The following HERC6 variants were observed in gnomAD, a reference collection of about 807,000 sequenced individuals.
The protein encoded by HERC6 is HECT and RLD domain containing E3 ubiquitin protein ligase family member 6.
Under a neutral mutation model 114.5 loss-of-function variants are expected in HERC6, and 101 were observed. The observed-to-expected ratio is 0.88, with a 90% confidence interval of 0.75 to 1.04. HERC6 has a LOEUF of 1.04. Ranked by LOEUF, HERC6 falls within the 50% of genes least tolerant of loss-of-function variation. The probability of loss-of-function intolerance (pLI) is 0.00; values close to 1 mark genes in which losing one functional copy is unlikely to be tolerated. For synonymous variants in HERC6, 408 were observed against 436.2 expected (o/e 0.94, Z 0.81); for missense variants, 1,133 against 1,230.9 (o/e 0.92, Z 1.19).
Position 88,383,351 on chromosome 4 carries a change from A to G in HERC6, c.330A>G (p.Gly110=). 6.6e-7 allele frequency: 1 copy of G among 1,522,252 alleles called. No individual in the cohort carries two copies. The highest frequency in any genetic ancestry group is 8.8e-7 in the Non-Finnish European group (1 of 1,137,296). 94.3% of individuals were successfully genotyped at this position (1,522,252 alleles called of 1,614,324 possible). Residue 110 remains glycine, a synonymous_variant, in exon 2 of 23, where the codon GGA becomes GGG. Transcript: ENST00000264346. The part of the protein sequence containing the change: ...GAGSEGQLGI[G]EFKEISFTPK... ...GTTCTGAAGGGCAGCTGGGGATTGG[A>G]GAATTCAAGGAAATAAGTTTCACAC... is the stretch of plus-strand genomic sequence containing the variant.
rs1421710040 is a variant in HERC6, at chr4:88,379,018, C to G, written c.97C>G (p.Arg33Gly). 3.2e-6 allele frequency: 5 copies of G among 1,569,768 alleles called. No homozygotes were observed. The highest frequency in any genetic ancestry group is 4.3e-6 in the Non-Finnish European group (5 of 1,159,346). The change falls in exon 1 of 23, where the codon CGC becomes GGC. Residue 33 changes from arginine to glycine, a missense_variant. By Grantham distance (125) the Arg-to-Gly change is moderately radical (BLOSUM62 -2). Coordinates refer to ENST00000264346, the MANE Select transcript of HERC6 (RefSeq NM_017912.4). ...AELLQAASGE[R>G]HSLLLLTNHR... ...GCTACTGCAGGCGGCCAGCGGGGAGCGCCACTCTCTGCTGCTGCTGACCAA... is the reference window on the plus strand; with the variant it reads ...GCTACTGCAGGCGGCCAGCGGGGAGGGCCACTCTCTGCTGCTGCTGACCAA...
chr4:88,415,639 A>C (rs1736410304), intron 12 of HERC6, among the ~76,000 whole-genome samples: 1 of 152,182 alleles, frequency 6.6e-6, no homozygotes, highest in African/African-American at 2.4e-5. Context: ...TGAGGAAAAA[A>C]AACTTTTAAT....
intron 2 of HERC6, among the ~76,000 whole-genome samples, chr4:88,384,793 G>A (rs538132618): frequency 4.6e-5 from 7 of 152,104 alleles, no homozygotes; most frequent in African/African-American, 7.2e-5. Flanking sequence ...GCCAAGGTGG[G>A]CGGATCACCT....
intron 10 of HERC6, 87 bp downstream of exon 10, chr4:88,405,700 TTGTTATTC>T: frequency 1.5e-6 from 1 of 672,372 alleles, no homozygotes; most frequent in Non-Finnish European, 2.3e-6. Flanking sequence ...TTTGTGAATT[TTGTTATTC>T]TTGCCCACAA....
intron 16 of HERC6, 147 bp downstream of exon 16, chr4:88,428,897 A>G: frequency 1.6e-6 from 1 of 606,296 alleles, no homozygotes; most frequent in South Asian, 3.5e-5. Flanking sequence ...TACCCTTCAG[A>G]GAATAGCAAT....
intron 3 of HERC6, among the ~76,000 whole-genome samples, chr4:88,386,706 G>A (rs549827712): frequency 3.3e-5 from 5 of 152,268 alleles, no homozygotes; most frequent in South Asian, 2.1e-4. Context: ...AGTAAGATTC[G>A]TTTCTGCAGA....
At chr4:88,379,267 T>C (rs1734035708) in intron 1 of HERC6, 147 bp downstream of exon 1, 1 of 630,122 alleles carries the variant, frequency 1.6e-6, no homozygotes, top group African/African-American at 2.0e-5. Flanking sequence ...GCTCAGATGC[T>C]GGGCGCCGCG....
chr4:88,406,198 A>T (rs767740289), intron 10 of HERC6, among the ~76,000 whole-genome samples: 3 of 152,182 alleles, frequency 2.0e-5, no homozygotes, highest in Admixed American at 1.3e-4. Flanking sequence ...AGAGGGTCTT[A>T]GGCTGCCCTC....
rs767492397 is a variant in HERC6, at chr4:88,431,146, T to C, written c.2107-16T>C. 6.2e-7 allele frequency: 1 copy of C among 1,600,158 alleles called. No homozygotes were observed. Among genetic ancestry groups the C allele is most frequent in the Non-Finnish European group, 8.5e-7 (1 of 1,175,308 alleles). ...TATTTTAAGTCAGGATCTGGGACTA[T>C]GTTCTCTTTCCTTAGGTTGAATTTA... On this transcript the variant is annotated splice_polypyrimidine_tract_variant and intron_variant, in intron 16 of 22. Coordinates refer to ENST00000264346, the MANE Select transcript of HERC6 (RefSeq NM_017912.4).
In HERC6 at chr4:88,404,898, C is replaced by T. The variant is rs765593592; in HGVS notation, c.1115C>T (p.Pro372Leu). ...AAGGATACTAGTTCCACACGTGCTCCCGGGAAAACCCTGCCAGAAATAAGC... is the reference window on the plus strand; with the variant it reads ...AAGGATACTAGTTCCACACGTGCTCTCGGGAAAACCCTGCCAGAAATAAGC... ...THQDTSSTRA[P>L]GKTLPEISRI... is the part of the protein sequence containing the mutation. Residue 372 changes from proline to leucine, a missense_variant, in exon 9 of 23, where the codon CCC becomes CTC. By Grantham distance (98) the Pro-to-Leu change is moderately conservative. Coordinates refer to ENST00000264346, the MANE Select transcript of HERC6 (RefSeq NM_017912.4). 79 of 1,613,588 alleles carry T rather than the reference C, an allele frequency of 4.9e-5. No individual in the cohort carries two copies. The highest frequency in any genetic ancestry group is 6.7e-5 in the Non-Finnish European group (79 of 1,179,718).
At chr4:88,394,836 C>T (rs1039693672) in intron 5 of HERC6, among the ~76,000 whole-genome samples, 1 of 152,164 alleles carries the variant, frequency 6.6e-6, no homozygotes, top group East Asian at 1.9e-4. Flanking sequence ...TGAGCCACTG[C>T]GCCCGGCCCC....
At chr4:88,391,970 C>T (rs1404952020) in intron 4 of HERC6, among the ~76,000 whole-genome samples, 2 of 93,054 alleles carry the variant, frequency 2.1e-5, no homozygotes, top group Non-Finnish European at 4.4e-5. Context: ...CTCCTTTCCC[C>T]TCCCTTTCCC....
intron 8 of HERC6, chr4:88,399,864 T>C (rs1271446604): frequency 1.3e-5 from 2 of 152,030 alleles, no homozygotes; most frequent in Non-Finnish European, 1.5e-5. Context: ...TCTTTAGAAA[T>C]GTCTGTCAGA....
In HERC6 at chr4:88,396,139, G is replaced by T; in HGVS notation, c.884G>T (p.Gly295Val). Residue 295 changes from glycine to valine, a missense_variant, in exon 6 of 23, where the codon GGA becomes GTA. By Grantham distance (109) the Gly-to-Val change is moderately radical. Coordinates refer to ENST00000264346, the MANE Select transcript of HERC6 (RefSeq NM_017912.4). The stretch of plus-strand genomic sequence containing the variant: ...GGCCTAGTTTCGCAGATAGATTGTG[G>T]AAGGTAATAGGCTTCTTCTTCTTCT... ...IDGLVSQIDCGSYHTLAYVHT... is the reference protein window; with the variant it reads ...IDGLVSQIDCVSYHTLAYVHT... 1.9e-6 allele frequency: 3 copies of T among 1,594,718 alleles called. No homozygotes were observed. The highest frequency in any genetic ancestry group is 2.6e-6 in the Non-Finnish European group (3 of 1,171,492).
intron 5 of HERC6, among the ~76,000 whole-genome samples, chr4:88,394,043 T>C (rs965590048): frequency 1.3e-5 from 2 of 152,130 alleles, no homozygotes; most frequent in African/African-American, 4.8e-5. Flanking sequence ...ATAAGATATA[T>C]ATACCAATAT....
intron 16 of HERC6, 55 bp from the exon 17 acceptor site, chr4:88,431,107 A>T: frequency 6.6e-7 from 1 of 1,507,158 alleles, no homozygotes; most frequent in Non-Finnish European, 9.0e-7. Context: ...ACTTCCATAA[A>T]GCTCAAAACA....
chr4:88,397,862 C>T (rs1208270714), intron 7 of HERC6, among the ~76,000 whole-genome samples: 1 of 152,072 alleles, frequency 6.6e-6, no homozygotes, highest in Non-Finnish European at 1.5e-5. Context: ...AATCAAATCT[C>T]TTCTAAAGCA....
chr4:88,422,066 A>G (rs1054232571), intron 13 of HERC6, among the ~76,000 whole-genome samples: 2 of 152,186 alleles, frequency 1.3e-5, no homozygotes, highest in African/African-American at 2.4e-5. Context: ...CACTTTCACC[A>G]TGGTGTCTTT....
intron 10 of HERC6, among the ~76,000 whole-genome samples, chr4:88,408,141 T>G (rs1297308585): frequency 6.6e-6 from 1 of 152,048 alleles, no homozygotes; most frequent in Non-Finnish European, 1.5e-5. Context: ...GTCATGCTAA[T>G]AAAAACAGTG....
Sources: gnomAD v4.1 joint callset for allele counts (sites outside exome capture counted in the v4.1 genomes callset) on GRCh38, gnomAD v4.1.1 for gene constraint, MANE v1.5 for transcripts, NCBI Gene and HGNC (gene_info 2026-07-23, HGNC 2026-07-21) for gene names.